The following SERBP1 variants were observed in gnomAD, a reference collection of about 807,000 sequenced individuals.
SERBP1 encodes the protein SERPINE1 mRNA-binding protein 1.
A neutral mutation model predicts 50.2 loss-of-function variants in SERBP1; 6 were observed. The observed-to-expected ratio is 0.12, with a 90% confidence interval of 0.07 to 0.24. The LOEUF is 0.24. Ranked by LOEUF, SERBP1 falls within the 10% of genes least tolerant of loss-of-function variation. The probability of loss-of-function intolerance (pLI) is 1.00; values close to 1 mark genes in which losing one functional copy is unlikely to be tolerated. For missense variants in SERBP1, 346 were observed against 524.9 expected, an observed-to-expected ratio of 0.66 and a Z score of 3.33; for synonymous variants, 168 against 182.8, an observed-to-expected ratio of 0.92 and a Z score of 0.65.
intron 5 of SERBP1, among the ~76,000 whole-genome samples, chr1:67,420,719 T>C (rs1000702007): frequency 3.3e-5 from 5 of 152,292 alleles, no homozygotes; most frequent in South Asian, 2.1e-4. Flanking sequence ...ATCAAAACAA[T>C]AGCCGTGTTT....
At chr1:67,427,634 A>G (rs745509113) in intron 1 of SERBP1, among the ~76,000 whole-genome samples, 1 of 152,232 alleles carries the variant, frequency 6.6e-6, no homozygotes, top group Non-Finnish European at 1.5e-5. Context: ...CATCAGTAAT[A>G]AAGTGCACTG....
At position 67,430,067 on chromosome 1, in the gene SERBP1, G is replaced by C. The variant is rs113655617; in HGVS notation, c.234C>G (p.Arg78=). 7.4e-6 allele frequency: 12 copies of C among 1,613,664 alleles called. No individual in the cohort carries two copies. The highest frequency in any genetic ancestry group is 1.0e-5 in the Non-Finnish European group (12 of 1,179,854). Residue 78 remains arginine, a synonymous_variant, in exon 1 of 8, where the codon CGC becomes CGG. Coordinates refer to ENST00000361219, the MANE Select transcript of SERBP1 (RefSeq NM_001018069.2). ...CAACGCTGGGGGGCAGCGGGTTCTT[G>C]CGGTCTTTCTGGGACTCCTTGCGCA... is the stretch of plus-strand genomic sequence containing the variant. The part of the protein sequence containing the change: ...KQLRKESQKD[R]KNPLPPSVGV...
In SERBP1 at chr1:67,411,070, CTTTAT is replaced by C. The variant is rs1332212438; in HGVS notation, c.*2132_*2136del. On this transcript the variant is annotated 3_prime_UTR_variant, in exon 8 of 8. Transcript: ENST00000361219. ...TTAAGAAGTGAGCATGAAAATAAATCTTTATTTTCAGTTATTACCCACCAATAAGA... is the reference window on the plus strand; with the variant it reads ...TTAAGAAGTGAGCATGAAAATAAATCTTTCAGTTATTACCCACCAATAAGA... 1 of 152,150 alleles carries C rather than the reference CTTTAT, an allele frequency of 6.6e-6. No individual in the cohort carries two copies. The highest frequency in any genetic ancestry group is 1.9e-4 in the East Asian group (1 of 5,182). The allele number at this position is 152,150 out of a possible 1,614,324, so 9.4% of individuals were successfully genotyped here.
intron 1 of SERBP1, among the ~76,000 whole-genome samples, chr1:67,429,209 G>A (rs984607925): frequency 1.3e-5 from 2 of 152,166 alleles, no homozygotes; most frequent in Non-Finnish European, 2.9e-5. Context: ...ACCCCACCAC[G>A]TGAAAGATTC....
At chr1:67,419,826 C>T (rs1224561772) in intron 6 of SERBP1, 183 bp downstream of exon 6, 2 of 591,684 alleles carry the variant, frequency 3.4e-6, no homozygotes, top group Middle Eastern at 3.9e-4. Flanking sequence ...GATCAAAGGA[C>T]TAAATTTCTT....
chr1:67,427,874 A>G (rs927670719), intron 1 of SERBP1, among the ~76,000 whole-genome samples: 1 of 152,242 alleles, frequency 6.6e-6, no homozygotes, highest in Non-Finnish European at 1.5e-5. Context: ...TCTTTTTTAG[A>G]AAATCCCTGG....
chr1:67,424,221 GGAT>G lies in SERBP1; in HGVS notation c.749_751del (p.His250del), dbSNP rs1266343994. On this transcript the variant is annotated inframe_deletion, in exon 5 of 8. Coordinates refer to ENST00000361219, the MANE Select transcript of SERBP1 (RefSeq NM_001018069.2). ...TTACTTATTTTCAGTGTCTGCCACT[GGAT>G]GATGTTCTTCACCTTCAGGTGTTTC... The G allele has an allele frequency of 1.2e-6, 2 of 1,611,546 alleles. No homozygotes were observed. Among genetic ancestry groups the G allele is most frequent in the South Asian group, 2.2e-5 (2 of 90,538 alleles).
At position 67,408,792 on chromosome 1, in the gene SERBP1, T is replaced by C. The variant is rs1666720085; in HGVS notation, c.*4415A>G. 6.6e-6 allele frequency: 1 copy of C among 152,162 alleles called. No individual in the cohort carries two copies. The allele number at this position is 152,162 out of a possible 1,614,324, so 9.4% of individuals were successfully genotyped here. ...ACACCCCTTAACAGCTTTCAAAATATATTTTATGTTGCAGGCTACCTATCT... is the reference window on the plus strand; with the variant it reads ...ACACCCCTTAACAGCTTTCAAAATACATTTTATGTTGCAGGCTACCTATCT... On this transcript the variant is annotated 3_prime_UTR_variant, in exon 8 of 8. Transcript: ENST00000361219.
chr1:67,419,496 G>A (rs924942157), intron 6 of SERBP1, among the ~76,000 whole-genome samples: 3 of 152,202 alleles, frequency 2.0e-5, no homozygotes, highest in East Asian at 1.9e-4. Context: ...TTTTAAAGTC[G>A]TCATTCCTTA....
At chr1:67,417,979 T>C (rs1042907519) in intron 6 of SERBP1, among the ~76,000 whole-genome samples, 11 of 138,710 alleles carry the variant, frequency 7.9e-5, no homozygotes, top group African/African-American at 3.0e-4. Flanking sequence ...TTGTTTTTTT[T>C]TTTTTTTTTT....
At chr1:67,423,363 T>C (rs1667266420) in intron 5 of SERBP1, among the ~76,000 whole-genome samples, 1 of 152,004 alleles carries the variant, frequency 6.6e-6, no homozygotes, top group South Asian at 2.1e-4. Flanking sequence ...TCCCAGCACT[T>C]TGGGAGGCCA....
chr1:67,417,981 T>TTTTG (rs1667077439), intron 6 of SERBP1, among the ~76,000 whole-genome samples: 3 of 139,596 alleles, frequency 2.1e-5, no homozygotes, highest in African/African-American at 2.7e-5. Flanking sequence ...GTTTTTTTTT[T>TTTTG]TTTTTTTTTT....
intron 2 of SERBP1, among the ~76,000 whole-genome samples, chr1:67,425,580 A>G (rs1667342717): frequency 6.6e-6 from 1 of 152,366 alleles, no homozygotes; most frequent in East Asian, 1.9e-4. Flanking sequence ...ATAAACCAAC[A>G]GTATTTTCCT....
chr1:67,428,097 TCAGGA>T (rs1468591094), intron 1 of SERBP1, among the ~76,000 whole-genome samples: 1 of 152,232 alleles, frequency 6.6e-6, no homozygotes, highest in Non-Finnish European at 1.5e-5. Flanking sequence ...TTCCCAGTAA[TCAGGA>T]CAGTAGAATC....
chr1:67,417,463 C>G (rs1256288854), intron 6 of SERBP1: 1 of 151,854 alleles, frequency 6.6e-6, no homozygotes, highest in Non-Finnish European at 1.5e-5. Flanking sequence ...CCTGCAGATA[C>G]CAAGAAACTG....
At chr1:67,414,054 T>C (rs549601677) in intron 7 of SERBP1, among the ~76,000 whole-genome samples, 4 of 152,322 alleles carry the variant, frequency 2.6e-5, no homozygotes, top group African/African-American at 9.6e-5. Flanking sequence ...CCTCCCAAAG[T>C]ACTGGGATTA....
At chr1:67,416,617 A>G (rs534379854) in intron 6 of SERBP1, among the ~76,000 whole-genome samples, 2 of 152,326 alleles carry the variant, frequency 1.3e-5, no homozygotes, top group East Asian at 3.9e-4. Context: ...TTACAATTCC[A>G]TTAGACTCAA....
At chr1:67,415,580 AC>A (rs1288177835) in intron 6 of SERBP1, among the ~76,000 whole-genome samples, 1 of 152,208 alleles carries the variant, frequency 6.6e-6, no homozygotes, top group Non-Finnish European at 1.5e-5. Flanking sequence ...TCAACTAAAG[AC>A]ATGTATGCTA....
Position 67,413,172 on chromosome 1 carries a change from T to G in SERBP1, c.*35A>C. 6.3e-7 allele frequency: 1 copy of G among 1,574,970 alleles called. No individual in the cohort carries two copies. Among genetic ancestry groups the G allele is most frequent in the Non-Finnish European group, 8.6e-7 (1 of 1,164,970 alleles). ...ATGCAAAAGCTTTGAACAGAAGGGT[T>G]CACAAAGGAACCAGGGTTGTCTTAT... On this transcript the variant is annotated 3_prime_UTR_variant, in exon 8 of 8. Coordinates refer to ENST00000361219, the MANE Select transcript of SERBP1 (RefSeq NM_001018069.2).
Sources: allele counts gnomAD v4.1 joint callset (sites outside exome capture counted in the v4.1 genomes callset), GRCh38; gene constraint gnomAD v4.1.1; transcripts MANE v1.5; gene names NCBI Gene and HGNC (gene_info 2026-07-23, HGNC 2026-07-21).